Variants in MEG3 observed in about 807,000 individuals in gnomAD.
MEG3 encodes maternally expressed 3, also known as Very putative protein from MEG3 locus.
intron 3 of MEG3, chr14:100,848,207 A>G (rs1291406949): frequency 6.6e-6 from 1 of 152,054 alleles, no homozygotes; most frequent in Non-Finnish European, 1.5e-5. Flanking sequence ...CTAGAACAGG[A>G]ATGAAAGGCT....
chr14:100,858,946 TG>T, exon 1 of MEG3: 1 of 152,612 alleles, frequency 6.6e-6, no homozygotes, highest in Non-Finnish European at 1.5e-5. Context: ...GACCTAAGGC[TG>T]GGGGGCTCTG....
At chr14:100,858,208 C>T (rs1345691208) in exon 1 of MEG3, 2 of 152,740 alleles carry the variant, frequency 1.3e-5, no homozygotes, top group Non-Finnish European at 2.9e-5. Context: ...TGGTGCGTCC[C>T]CACCCCTGCC....
At chr14:100,842,922 T>A (rs773593993) in intron 2 of MEG3, among the ~76,000 whole-genome samples, 3 of 152,222 alleles carry the variant, frequency 2.0e-5, no homozygotes, top group Non-Finnish European at 4.4e-5. Context: ...CTGGACTCTA[T>A]AAGGAGGCCT....
At chr14:100,832,132 GGGAGACTT>G (rs1482667189), downstream of MEG3, 1 of 151,138 alleles carries the variant, frequency 6.6e-6, no homozygotes. Flanking sequence ...AAGTAGGAAA[GGGAGACTT>G]AGAAAATATT....
intron 1 of MEG3, among the ~76,000 whole-genome samples, chr14:100,826,935 G>A (rs969186000): frequency 1.3e-5 from 2 of 151,984 alleles, no homozygotes; most frequent in African/African-American, 4.8e-5. Context: ...TGCCGAAGGG[G>A]GGTCGTGGGA....
chr14:100,849,196 G>A (rs1048545185), intron 3 of MEG3: 1 of 152,168 alleles, frequency 6.6e-6, no homozygotes, highest in Non-Finnish European at 1.5e-5. Context: ...AAAAAGAGGA[G>A]AGAAGGCAGC....
intron 3 of MEG3, chr14:100,847,950 A>C (rs1363197002): frequency 6.6e-6 from 1 of 152,198 alleles, no homozygotes; most frequent in Non-Finnish European, 1.5e-5. Context: ...TGAATGCAGG[A>C]AGGAAGTAAT....
chr14:100,829,560 T>G (rs2037341362), downstream of MEG3: 1 of 152,256 alleles, frequency 6.6e-6, no homozygotes, highest in Non-Finnish European at 1.5e-5. Flanking sequence ...CTCCTAGGGT[T>G]GTTGTGAGAA....
chr14:100,842,019 C>A (rs2037775531), intron 2 of MEG3, among the ~76,000 whole-genome samples: 1 of 152,178 alleles, frequency 6.6e-6, no homozygotes, highest in Non-Finnish European at 1.5e-5. Flanking sequence ...ACTGGCTGCC[C>A]ATCTTAGACT....
chr14:100,850,949 A>C (rs552234252), intron 3 of MEG3: 2 of 152,478 alleles, frequency 1.3e-5, no homozygotes, highest in East Asian at 1.9e-4. Flanking sequence ...CAGTGGAATG[A>C]AGTGGTCCCC....
exon 2 of MEG3, chr14:100,836,210 A>C (rs1018379309): frequency 2.2e-6 from 1 of 456,292 alleles, no homozygotes; most frequent in African/African-American, 2.0e-5. Flanking sequence ...AGAACTGCGG[A>C]TGGAAGCTGC....
intron 2 of MEG3, among the ~76,000 whole-genome samples, chr14:100,842,441 A>G (rs2037788327): frequency 3.9e-5 from 6 of 152,168 alleles, no homozygotes; most frequent in Admixed American, 3.3e-4. Context: ...AGATGTCCCA[A>G]TTACCTCTCC....
chr14:100,856,071 G>C (rs1366639475), upstream of MEG3: 1 of 152,214 alleles, frequency 6.6e-6, no homozygotes, highest in Non-Finnish European at 1.5e-5. Context: ...AGCCATTCCT[G>C]CCCCTTTCAA....
Position 100,848,857 on chromosome 14 carries a change from G to C in MEG3, n.3121+3324G>C, listed in dbSNP as rs375356424. ...AGATGTAAGAAAAGAAAGGAAAAGT[G>C]AAGTAGGCATATGAAAGAAAAGGCA... On this transcript the variant is annotated intron_variant and non_coding_transcript_variant, in intron 3 of 3. Coordinates refer to the MEG3 transcript ENST00000398461. 19 of 152,280 alleles carry C rather than the reference G, an allele frequency of 1.2e-4. No individual in the cohort carries two copies. In the East Asian group the frequency reaches 1.4e-3, roughly 11 times the overall value. 9.4% of individuals were successfully genotyped at this position (152,280 alleles called of 1,614,324 possible). A position where few individuals can be genotyped will look rare whatever the true frequency, so the allele number is the denominator to read the frequency against.
chr14:100,856,653 T>C (rs890955754), upstream of MEG3: 3 of 152,590 alleles, frequency 2.0e-5, no homozygotes, highest in Non-Finnish European at 4.4e-5. Flanking sequence ...GAGGGGTATA[T>C]GGTGGGACAG....
chr14:100,852,816 AT>A (rs1254547456), upstream of MEG3: 27 of 202,916 alleles, frequency 1.3e-4, no homozygotes, highest in Non-Finnish European at 1.1e-4. Flanking sequence ...TGCTCCCAAC[AT>A]CTAGGGGCTG....
intron 2 of MEG3, among the ~76,000 whole-genome samples, chr14:100,839,014 CATGT>C (rs1406670281): frequency 6.6e-6 from 1 of 152,182 alleles, no homozygotes; most frequent in Admixed American, 6.5e-5. Flanking sequence ...CAACAGGATG[CATGT>C]GTTTCTTATT....
At chr14:100,828,326 C>G (rs1298422824) in intron 1 of MEG3, among the ~76,000 whole-genome samples, 1 of 151,964 alleles carries the variant, frequency 6.6e-6, no homozygotes, top group African/African-American at 2.4e-5. Flanking sequence ...TCAAATCATC[C>G]TTACCCCCTC....
At chr14:100,849,865 A>T (rs2038017438) in intron 3 of MEG3, 1 of 152,242 alleles carries the variant, frequency 6.6e-6, no homozygotes, top group African/African-American at 2.4e-5. Flanking sequence ...CTGAACAGGG[A>T]TTATAATTAG....
Sources: gnomAD v4.1 joint callset for allele counts (sites outside exome capture counted in the v4.1 genomes callset) on GRCh38, gnomAD v4.1.1 for gene constraint, MANE v1.5 for transcripts, NCBI Gene and HGNC (gene_info 2026-07-23, HGNC 2026-07-21) for gene names.